The following RBM33 variants were observed in gnomAD, a reference collection of about 807,000 sequenced individuals.
The protein encoded by RBM33 is RNA binding motif protein 33.
RBM33 carries 28 observed loss-of-function variants against 132.6 expected under a neutral mutation model. That is an observed-to-expected ratio of 0.21 (90% CI 0.16 to 0.29). The LOEUF is 0.29. Among genes scored for constraint, RBM33 ranks in the 10% least tolerant of loss-of-function variants. RBM33 has a pLI of 1.00. For synonymous variants in RBM33, 634 were observed against 593.0 expected (o/e 1.07, Z -1.01); for missense variants, 1,291 against 1,518.5 (o/e 0.85, Z 2.49).
chr7:155,768,268 G>T (rs935185755), intron 16 of RBM33, among the ~76,000 whole-genome samples: 1 of 152,252 alleles, frequency 6.6e-6, no homozygotes. Context: ...GTGAGGCTCA[G>T]AGCCTACATT....
chr7:155,709,977 A>G (rs888617342), intron 7 of RBM33, among the ~76,000 whole-genome samples: 2 of 152,152 alleles, frequency 1.3e-5, no homozygotes, highest in African/African-American at 4.8e-5. Flanking sequence ...CCATTGATTC[A>G]TCTCTCACCA....
chr7:155,750,143 C>A (rs1801648041), intron 14 of RBM33, among the ~76,000 whole-genome samples: 1 of 152,138 alleles, frequency 6.6e-6, no homozygotes, highest in Non-Finnish European at 1.5e-5. Context: ...GTAAATAGTT[C>A]ATCTGTAGAA....
rs1235291146 is a variant in RBM33, at chr7:155,766,664, C to T, written c.3375+9C>T. ...CAGTGGGACCCATTCAGGTAGCCGCCTGGGGGTGGCATCTGTGCCACGGGT... is the reference window on the plus strand; with the variant it reads ...CAGTGGGACCCATTCAGGTAGCCGCTTGGGGGTGGCATCTGTGCCACGGGT... On this transcript the variant is annotated intron_variant, in intron 16 of 17. Transcript: ENST00000401878. The T allele has an allele frequency of 6.2e-7, 1 of 1,605,518 alleles. No individual in the cohort carries two copies. The highest frequency in any genetic ancestry group is 1.7e-5 in the Admixed American group (1 of 58,586).
chr7:155,669,292 AT>A, intron 2 of RBM33, among the ~76,000 whole-genome samples: 2 of 152,032 alleles, frequency 1.3e-5, no homozygotes, highest in South Asian at 2.1e-4. Flanking sequence ...TGTTTTATTT[AT>A]TTTTTTTAAA....
chr7:155,701,177 A>AG (rs1799951425), intron 6 of RBM33: 1 of 549,710 alleles, frequency 1.8e-6, no homozygotes, highest in Non-Finnish European at 3.2e-6. Flanking sequence ...AAGATAATTA[A>AG]AAAAAATTTT....
At chr7:155,720,254 A>T (rs1800579399) in intron 9 of RBM33, among the ~76,000 whole-genome samples, 1 of 152,216 alleles carries the variant, frequency 6.6e-6, no homozygotes, top group Admixed American at 6.5e-5. Flanking sequence ...ATTTACCACG[A>T]TTTAACACGT....
At chr7:155,668,058 T>TA (rs1038272335) in intron 2 of RBM33, among the ~76,000 whole-genome samples, 44 of 152,194 alleles carry the variant, frequency 2.9e-4, no homozygotes, top group African/African-American at 8.4e-4. Flanking sequence ...TTACTATATC[T>TA]AAAAAAATTC....
At chr7:155,720,345 C>T (rs1800582287) in intron 9 of RBM33, among the ~76,000 whole-genome samples, 1 of 152,142 alleles carries the variant, frequency 6.6e-6, no homozygotes. Context: ...TTTCTCAAAT[C>T]ATTTTCCCTT....
In RBM33 at chr7:155,727,981, G is replaced by T. The variant is rs1800841524; in HGVS notation, c.1260+9538G>T. Among the ~76,000 whole-genome samples, 4 of 152,140 alleles carry T rather than the reference G, an allele frequency of 2.6e-5. No individual in the cohort carries two copies. The South Asian group carries it at 8.3e-4, about 32-fold the overall frequency. On this transcript the variant is annotated intron_variant, in intron 9 of 17. Transcript: ENST00000401878. Reference sequence around the variant, plus strand: ...GATAGGGTTTCATCGTGTTGCCTAGGCTGGTCTCGAACTCCTGGGCTCAAG... The same window carrying T: ...GATAGGGTTTCATCGTGTTGCCTAGTCTGGTCTCGAACTCCTGGGCTCAAG...
chr7:155,745,432 G>T lies in RBM33; in HGVS notation c.2809G>T (p.Asp937Tyr). The T allele has an allele frequency of 6.2e-7, 1 of 1,613,918 alleles. No homozygotes were observed. The highest frequency in any genetic ancestry group is 8.5e-7 in the Non-Finnish European group (1 of 1,179,876). Residue 937 changes from aspartate to tyrosine, a missense_variant, in exon 14 of 18, where the codon GAT becomes TAT. Asp to Tyr is a radical substitution (Grantham distance 160). Around this residue, in one of 7 missense-constraint regions of RBM33, gnomAD observed 841 missense variants for 912.0 expected, o/e 0.92. Transcript: ENST00000401878. This position sits in a 1 kb window ranked among gnomAD's most constrained non-coding sequence, Gnocchi z 4.1. ...TAAAGTGCTCCCGATCAAACCTGCAGATGTGGAGGAGCCAGCTGTCCCCCA... is the reference window on the plus strand; with the variant it reads ...TAAAGTGCTCCCGATCAAACCTGCATATGTGGAGGAGCCAGCTGTCCCCCA... ...LHKVLPIKPA[D>Y]VEEPAVPQTP...
chr7:155,719,698 G>A (rs1407813525), intron 9 of RBM33, among the ~76,000 whole-genome samples: 15 of 152,276 alleles, frequency 9.9e-5, no homozygotes, highest in Non-Finnish European at 1.5e-5. Context: ...CATTTCTTCT[G>A]TGGAGTAGTT....
At chr7:155,650,031 A>C (rs193299455) in intron 1 of RBM33, among the ~76,000 whole-genome samples, 1 of 151,996 alleles carries the variant, frequency 6.6e-6, no homozygotes, top group Non-Finnish European at 1.5e-5. Context: ...CAACACTCTC[A>C]TTCCTTCATA....
At chr7:155,653,834 C>G (rs924939060) in intron 1 of RBM33, among the ~76,000 whole-genome samples, 10 of 152,068 alleles carry the variant, frequency 6.6e-5, no homozygotes, top group Admixed American at 6.5e-4. Context: ...TGTGATAACC[C>G]CAGAATTTGT....
At chr7:155,670,424 A>G (rs996035958) in intron 2 of RBM33, among the ~76,000 whole-genome samples, 1 of 152,204 alleles carries the variant, frequency 6.6e-6, no homozygotes, top group Non-Finnish European at 1.5e-5. Flanking sequence ...GTAGTTTTAC[A>G]TATGTAATAA....
intron 5 of RBM33, among the ~76,000 whole-genome samples, chr7:155,689,897 G>A (rs1799585502): frequency 1.3e-5 from 2 of 152,206 alleles, no homozygotes; most frequent in Admixed American, 6.5e-5. Context: ...TTCCAACTGT[G>A]TGGTCAATTT....
intron 7 of RBM33, 175 bp from the exon 8 acceptor site, chr7:155,711,028 T>A (rs1800270807): frequency 1.1e-6 from 1 of 888,800 alleles, no homozygotes; most frequent in African/African-American, 1.8e-5. Context: ...GAAGCTTCTT[T>A]ATCCTGCTGT....
At chr7:155,645,435 C>T (rs1221518168) in intron 1 of RBM33, among the ~76,000 whole-genome samples, 2 of 152,242 alleles carry the variant, frequency 1.3e-5, no homozygotes, top group Non-Finnish European at 2.9e-5. Context: ...AGTGAGATTT[C>T]TTGAGAAAGT....
chr7:155,766,988 T>A (rs1205549236), intron 16 of RBM33: 1 of 296,230 alleles, frequency 3.4e-6, no homozygotes, highest in Non-Finnish European at 6.2e-6. Flanking sequence ...CTTGTTTTAT[T>A]TGTAATAACA....
intron 12 of RBM33, among the ~76,000 whole-genome samples, chr7:155,740,965 GTCT>G (rs1801312633): frequency 6.6e-6 from 1 of 152,296 alleles, no homozygotes; most frequent in African/African-American, 2.4e-5. Context: ...TTTTGGTATT[GTCT>G]TCTTTTCACC....
Sources: gnomAD v4.1 joint callset for allele counts (sites outside exome capture counted in the v4.1 genomes callset) on GRCh38, gnomAD v4.1.1 for gene constraint, gnomAD v4.1.1 regional missense constraint, Gnocchi (gnomAD v3.1) non-coding constraint, MANE v1.5 for transcripts, NCBI Gene and HGNC (gene_info 2026-07-23, HGNC 2026-07-21) for gene names.